Variants in ZBTB20 observed in about 807,000 individuals in gnomAD.
ZBTB20 encodes zinc finger and BTB domain containing 20.
ZBTB20 carries 9 observed loss-of-function variants against 56.9 expected under a neutral mutation model. That is an observed-to-expected ratio of 0.16 (90% CI 0.10 to 0.28). The LOEUF (loss-of-function observed/expected upper bound fraction) is 0.28. ZBTB20 is among the 10% of genes least tolerant of loss of function. The probability of loss-of-function intolerance (pLI) is 1.00; values close to 1 mark genes in which losing one functional copy is unlikely to be tolerated. For missense variants in ZBTB20, 655 were observed against 1,003.0 expected (o/e 0.65, Z 4.69); for synonymous variants, 417 against 420.7 (o/e 0.99, Z 0.11).
chr3:115,102,462 T>C (rs1365810041), intron 1 of ZBTB20: 5 of 152,138 alleles, frequency 3.3e-5, no homozygotes, highest in Admixed American at 3.3e-4. Flanking sequence ...ACTTAGAGTT[T>C]GACAGATGGA....
chr3:114,679,453 C>A (rs371117506), intron 6 of ZBTB20, among the ~76,000 whole-genome samples: 4 of 152,054 alleles, frequency 2.6e-5, no homozygotes, highest in African/African-American at 7.2e-5. Flanking sequence ...AAACAAATAA[C>A]CCCATCAAAA....
At chr3:114,743,719 T>A (rs2066801610) in intron 5 of ZBTB20, 1 of 153,974 alleles carries the variant, frequency 6.5e-6, no homozygotes, top group Admixed American at 6.5e-5. Context: ...TACCAAACAT[T>A]GCAAATAATT....
At chr3:115,011,840 T>A (rs2079728881) in intron 2 of ZBTB20, among the ~76,000 whole-genome samples, 2 of 151,424 alleles carry the variant, frequency 1.3e-5, no homozygotes, top group African/African-American at 2.4e-5. Flanking sequence ...ATAAAAAAAA[T>A]AAATACAACT....
At chr3:114,582,061 T>A (rs945051804) in intron 6 of ZBTB20, 37 of 152,316 alleles carry the variant, frequency 2.4e-4, no homozygotes, top group African/African-American at 8.4e-4. Context: ...ATATAGCTTA[T>A]GTAAAACTAA....
rs548377845 is a variant in ZBTB20, at chr3:114,977,736, C to G, written c.-506-3320G>C. On this transcript the variant is annotated intron_variant, in intron 2 of 11. Transcript: ENST00000675478. ...TTTCTGAACTCCAATGTGGGAAGGA[C>G]TTTTAAAGTACATACACAGTGGTAT... Among the ~76,000 whole-genome samples, 13 of 152,136 alleles carry G rather than the reference C, an allele frequency of 8.5e-5. No individual in the cohort carries two copies. The South Asian group carries it at 2.5e-3, about 29-fold the overall frequency.
intron 2 of ZBTB20, among the ~76,000 whole-genome samples, chr3:115,001,270 T>G (rs2079238145): frequency 6.6e-6 from 1 of 151,400 alleles, no homozygotes; most frequent in Admixed American, 6.6e-5. Context: ...TAGCACTCTA[T>G]TCCTACAAGA....
At chr3:114,922,386 G>C (rs2075993016) in intron 3 of ZBTB20, among the ~76,000 whole-genome samples, 1 of 151,958 alleles carries the variant, frequency 6.6e-6, no homozygotes, top group Non-Finnish European at 1.5e-5. Context: ...TCTGTTTATA[G>C]ATGACATAAT....
At position 114,316,630 on chromosome 3, in the gene ZBTB20, G is replaced by A; in HGVS notation, c.*22375C>T. The stretch of plus-strand genomic sequence containing the variant: ...ACTAGCACATGCTTAACTTTCCCCT[G>A]CTCCCTCTGTATATTTTAAACAGTC... On this transcript the variant is annotated 3_prime_UTR_variant, in exon 12 of 12. Coordinates refer to ENST00000675478, the MANE Select transcript of ZBTB20 (RefSeq NM_001348800.3). 4 of 516,540 alleles carry A rather than the reference G, an allele frequency of 7.7e-6. No individual in the cohort carries two copies. The highest frequency in any genetic ancestry group is 4.4e-5 in the South Asian group (3 of 68,802). 32.0% of individuals were successfully genotyped at this position (516,540 alleles called of 1,614,324 possible). A position where few individuals can be genotyped will look rare whatever the true frequency, so the allele number is the denominator to read the frequency against.
rs192077452 is a variant in ZBTB20, at chr3:114,816,259, A to C, written c.-416-15085T>G. Among the ~76,000 whole-genome samples, 12 of 152,324 alleles carry C rather than the reference A, an allele frequency of 7.9e-5. No homozygotes were observed. In the East Asian group the frequency reaches 2.1e-3, roughly 27 times the overall value. On this transcript the variant is annotated intron_variant, in intron 4 of 11. Transcript: ENST00000675478. ...AAAACGATTGTTTTGATATAGTAAT[A>C]AGCTGGGCAAATAGAGGAAGTATGC...
chr3:114,508,828 T>G (rs947121438), intron 6 of ZBTB20, among the ~76,000 whole-genome samples: 1 of 152,162 alleles, frequency 6.6e-6, no homozygotes, highest in Non-Finnish European at 1.5e-5. Flanking sequence ...TTATAGGATA[T>G]TGTTCTAGTC....
chr3:114,934,548 T>C (rs1415267457), intron 3 of ZBTB20, among the ~76,000 whole-genome samples: 2 of 152,028 alleles, frequency 1.3e-5, no homozygotes, highest in Non-Finnish European at 2.9e-5. Flanking sequence ...TAATTAATCA[T>C]CTCTTTTCCT....
chr3:115,122,171 G>T lies in ZBTB20; in HGVS notation c.-703+25048C>A, dbSNP rs907041223. Among the ~76,000 whole-genome samples, 15 of 151,942 alleles carry T rather than the reference G, an allele frequency of 9.9e-5. 1 individual carries two copies. The highest frequency in any genetic ancestry group is 6.3e-3 in the Middle Eastern group (2 of 316). ...AATGTGGATAATGTTATGCTGAACC[G>T]TCTTAATTTCTGTCATGAAACAAAG... On this transcript the variant is annotated intron_variant, in intron 1 of 11. Coordinates refer to ENST00000675478, the MANE Select transcript of ZBTB20 (RefSeq NM_001348800.3).
chr3:115,023,021 G>C (rs1274791952), intron 2 of ZBTB20, among the ~76,000 whole-genome samples: 2 of 151,046 alleles, frequency 1.3e-5, no homozygotes, highest in South Asian at 4.2e-4. Context: ...TGAACAAATA[G>C]TGAGGTAAGG....
intron 4 of ZBTB20, among the ~76,000 whole-genome samples, chr3:114,824,523 T>C (rs1016248962): frequency 2.6e-5 from 4 of 151,962 alleles, no homozygotes; most frequent in Non-Finnish European, 5.9e-5. Context: ...TCCAATAAAT[T>C]TTGGTGACAA....
intron 6 of ZBTB20, among the ~76,000 whole-genome samples, chr3:114,646,515 T>C (rs548202435): frequency 6.6e-6 from 1 of 152,268 alleles, no homozygotes; most frequent in Non-Finnish European, 1.5e-5. Flanking sequence ...GTTGACAGAA[T>C]GTGGTGAAAG....
intron 7 of ZBTB20, among the ~76,000 whole-genome samples, chr3:114,478,154 CAG>C (rs1044579162): frequency 2.0e-5 from 3 of 151,888 alleles, no homozygotes; most frequent in African/African-American, 7.3e-5. Context: ...TTAGTAGAGA[CAG>C]AGTTTCTCCA....
At chr3:114,495,478 G>GTC (rs1491217226) in intron 7 of ZBTB20, among the ~76,000 whole-genome samples, 2 of 148,886 alleles carry the variant, frequency 1.3e-5, no homozygotes, top group Non-Finnish European at 3.0e-5. Context: ...CACACACACA[G>GTC]TCTCTCTCTC....
chr3:114,345,938 G>T (rs1174155858), intron 11 of ZBTB20, among the ~76,000 whole-genome samples: 2 of 152,132 alleles, frequency 1.3e-5, no homozygotes, highest in African/African-American at 2.4e-5. Flanking sequence ...TCCCTGACAG[G>T]ATGGTTTGTA....
intron 6 of ZBTB20, among the ~76,000 whole-genome samples, chr3:114,521,616 G>GT (rs1231917686): frequency 6.6e-6 from 1 of 152,016 alleles, no homozygotes; most frequent in Non-Finnish European, 1.5e-5. Context: ...ACAGTACATT[G>GT]TACTATATTT....
Sources: gnomAD v4.1 joint callset for allele counts (sites outside exome capture counted in the v4.1 genomes callset) on GRCh38, gnomAD v4.1.1 for gene constraint, MANE v1.5 for transcripts, NCBI Gene and HGNC (gene_info 2026-07-23, HGNC 2026-07-21) for gene names.